Variants in ABHD3 observed in about 807,000 individuals in gnomAD.
ABHD3 encodes the protein abhydrolase domain containing 3, phospholipase.
In ABHD3, 46 loss-of-function variants were observed where a neutral mutation model predicts 48.8. The observed-to-expected ratio is 0.94, with a 90% CI of 0.74 to 1.20. ABHD3 has a LOEUF of 1.20. ABHD3 is among the 50% of genes most tolerant of loss of function. The pLI is 0.00. For synonymous variants in ABHD3, 192 were observed against 183.7 expected, an observed-to-expected ratio of 1.04 and a Z score of -0.36; for missense variants, 490 against 497.8, an observed-to-expected ratio of 0.98 and a Z score of 0.15.
chr18:21,679,516 T>C (rs1321078826), intron 4 of ABHD3, among the ~76,000 whole-genome samples: 1 of 152,246 alleles, frequency 6.6e-6, no homozygotes, highest in Non-Finnish European at 1.5e-5. Context: ...TAAAAAACTT[T>C]TTTTAATTTT....
At chr18:21,683,524 G>A (rs750817893) in intron 4 of ABHD3, 1 of 513,802 alleles carries the variant, frequency 1.9e-6, no homozygotes, top group South Asian at 1.5e-5. Flanking sequence ...CATTAAAAAT[G>A]AGGCCTTCTC....
chr18:21,661,678 G>GT (rs376271512), intron 5 of ABHD3: 260 of 146,526 alleles, frequency 1.8e-3, no homozygotes, highest in Middle Eastern at 7.0e-3. Context: ...AAACTCCACT[G>GT]TTTTTTTTTT....
intron 1 of ABHD3, 126 bp from the exon 2 acceptor site, chr18:21,703,873 T>C (rs1333224881): frequency 7.7e-6 from 8 of 1,033,734 alleles, no homozygotes; most frequent in Non-Finnish European, 1.1e-5. Flanking sequence ...TCTGGAGGGC[T>C]GACGCAAAAA....
chr18:21,693,678 C>G (rs1185691001), intron 3 of ABHD3, among the ~76,000 whole-genome samples: 1 of 152,188 alleles, frequency 6.6e-6, no homozygotes, highest in East Asian at 1.9e-4. Context: ...AAGAAGCTAA[C>G]CTCTTCATTC....
chr18:21,667,566 C>T (rs955424225), intron 4 of ABHD3, among the ~76,000 whole-genome samples: 1 of 152,066 alleles, frequency 6.6e-6, no homozygotes, highest in Non-Finnish European at 1.5e-5. Context: ...TAACAATTGC[C>T]TCAATTAAAC....
intron 4 of ABHD3, among the ~76,000 whole-genome samples, chr18:21,667,733 G>A (rs553293853): frequency 6.6e-6 from 1 of 151,976 alleles, no homozygotes; most frequent in East Asian, 1.9e-4. Flanking sequence ...AGATCCCAGT[G>A]TATCTATTTT....
intron 4 of ABHD3, chr18:21,682,574 A>AT (rs2040028192): frequency 6.6e-6 from 1 of 152,238 alleles, no homozygotes; most frequent in South Asian, 2.1e-4. Context: ...GCTGTGTCTC[A>AT]TTAATATGTA....
intron 4 of ABHD3, among the ~76,000 whole-genome samples, chr18:21,676,126 G>C (rs754818726): frequency 6.6e-6 from 1 of 152,114 alleles, no homozygotes; most frequent in Non-Finnish European, 1.5e-5. Context: ...ATGGGTTAAG[G>C]CTTCAACATA....
At chr18:21,694,534 T>A (rs2040324822) in intron 3 of ABHD3, among the ~76,000 whole-genome samples, 1 of 152,214 alleles carries the variant, frequency 6.6e-6, no homozygotes, top group African/African-American at 2.4e-5. Flanking sequence ...AGATCCTAAT[T>A]CTGTCAAACC....
chr18:21,700,401 G>C (rs1208469285), intron 3 of ABHD3, among the ~76,000 whole-genome samples: 1 of 140,362 alleles, frequency 7.1e-6, no homozygotes, highest in Non-Finnish European at 1.5e-5. Context: ...AAATTTTTTT[G>C]TTTTTATTTT....
At chr18:21,699,063 T>C (rs2040449663) in intron 3 of ABHD3, among the ~76,000 whole-genome samples, 3 of 151,730 alleles carry the variant, frequency 2.0e-5, no homozygotes, top group Admixed American at 1.3e-4. Context: ...GATTCCTGAG[T>C]AGCTGGGATT....
chr18:21,669,674 T>A (rs1297189156), intron 4 of ABHD3, among the ~76,000 whole-genome samples: 1 of 152,298 alleles, frequency 6.6e-6, no homozygotes, highest in African/African-American at 2.4e-5. Context: ...TTCCTCTTCA[T>A]GAAAACTCCC....
intron 4 of ABHD3, among the ~76,000 whole-genome samples, chr18:21,667,396 C>T (rs2039659544): frequency 6.6e-6 from 1 of 151,976 alleles, no homozygotes; most frequent in Admixed American, 6.6e-5. Flanking sequence ...AGGCCTGCAC[C>T]ACTATGCCTG....
At chr18:21,668,258 A>T in intron 4 of ABHD3, among the ~76,000 whole-genome samples, 1 of 151,324 alleles carries the variant, frequency 6.6e-6, no homozygotes, top group Non-Finnish European at 1.5e-5. Context: ...TACTATGCTC[A>T]TTCATAGTGA....
intron 4 of ABHD3, 73 bp downstream of exon 4, chr18:21,683,847 A>G: frequency 7.3e-7 from 1 of 1,378,308 alleles, no homozygotes; most frequent in Non-Finnish European, 9.9e-7. Context: ...AAATAAAAAG[A>G]ATATGCTTTT....
chr18:21,671,693 C>T (rs1434167290), intron 4 of ABHD3, among the ~76,000 whole-genome samples: 1 of 152,140 alleles, frequency 6.6e-6, no homozygotes, highest in Non-Finnish European at 1.5e-5. Context: ...GATATTTGGA[C>T]ATAAACATTC....
At chr18:21,697,242 A>C (rs2040391312) in intron 3 of ABHD3, among the ~76,000 whole-genome samples, 1 of 151,542 alleles carries the variant, frequency 6.6e-6, no homozygotes, top group Admixed American at 6.6e-5. Flanking sequence ...TACCTGGCTA[A>C]TTTTTGTATT....
intron 4 of ABHD3, among the ~76,000 whole-genome samples, chr18:21,672,278 G>T (rs2039773487): frequency 6.6e-6 from 1 of 152,108 alleles, no homozygotes; most frequent in South Asian, 2.1e-4. Context: ...TATTCTTGGA[G>T]GAGATTAATT....
At chr18:21,698,630 C>T (rs78347086) in intron 3 of ABHD3, among the ~76,000 whole-genome samples, 2,318 of 152,128 alleles carry the variant, frequency 0.015, 141 homozygotes, top group East Asian at 0.12. Context: ...CTCTGTCTCC[C>T]GGGTTCAACC....
Sources: allele counts gnomAD v4.1 joint callset (sites outside exome capture counted in the v4.1 genomes callset), GRCh38; gene constraint gnomAD v4.1.1; transcripts MANE v1.5; gene names NCBI Gene and HGNC (gene_info 2026-07-23, HGNC 2026-07-21).